The following CFAP300 variants were observed in gnomAD, a reference collection of about 807,000 sequenced individuals.
The protein encoded by CFAP300 is cilia and flagella associated protein 300, also known as cilia- and flagella-associated protein 300.
Under a neutral mutation model 33.0 loss-of-function variants are expected in CFAP300, and 32 were observed. The observed-to-expected ratio is 0.97, with a 90% CI of 0.73 to 1.30. The LOEUF (loss-of-function observed/expected upper bound fraction) is 1.30, where lower values mean the gene tolerates loss of function less well. Among genes scored for constraint, CFAP300 ranks in the 50% most tolerant of loss-of-function variants. The probability of loss-of-function intolerance (pLI) is 0.00; values close to 1 mark genes in which losing one functional copy is unlikely to be tolerated. For synonymous variants in CFAP300, 102 were observed against 106.8 expected (o/e 0.95, Z 0.28); for missense variants, 356 against 318.1 (o/e 1.12, Z -0.90).
At chr11:102,066,412 T>C (rs1239038956) in intron 3 of CFAP300, 73 bp from the exon 4 acceptor site, 1 of 1,069,890 alleles carries the variant, frequency 9.3e-7, no homozygotes, top group African/African-American at 1.6e-5. Flanking sequence ...TGCATAGCGA[T>C]TTATTTTGGA....
At chr11:102,075,135 A>G (rs1027343342) in intron 4 of CFAP300, among the ~76,000 whole-genome samples, 7 of 152,220 alleles carry the variant, frequency 4.6e-5, no homozygotes, top group Non-Finnish European at 8.8e-5. Flanking sequence ...TAGGTAGGAT[A>G]TAAACAATCC....
rs114056403 is a variant in CFAP300, at chr11:102,080,345, A to G, written c.609-870A>G. On this transcript the variant is annotated intron_variant, in intron 5 of 6. Coordinates refer to ENST00000434758, the MANE Select transcript of CFAP300 (RefSeq NM_032930.3). ...TGAAAGAAAACTACTGAAAAAAATTATTTTTAATATGATATAACTTAGCAA... is the reference window on the plus strand; with the variant it reads ...TGAAAGAAAACTACTGAAAAAAATTGTTTTTAATATGATATAACTTAGCAA... Among the ~76,000 whole-genome samples, 1,386 of 152,240 alleles carry G rather than the reference A, an allele frequency of 9.1e-3. 22 individuals carry two copies. Among genetic ancestry groups the G allele is most frequent in the African/African-American group, 0.032 (1,312 of 41,536 alleles).
chr11:102,079,486 G>A (rs73593085), intron 5 of CFAP300, among the ~76,000 whole-genome samples: 6,279 of 152,206 alleles, frequency 0.041, 309 homozygotes, highest in African/African-American at 0.098. Context: ...GAAATATCTA[G>A]TAGAGATGAA....
At chr11:102,075,748 A>G in intron 4 of CFAP300, 125 bp from the exon 5 acceptor site, 2 of 660,108 alleles carry the variant, frequency 3.0e-6, no homozygotes, top group South Asian at 4.6e-5. Context: ...TACTCTCTTC[A>G]GTTGACTCAA....
chr11:102,082,328 G>A (rs111814780), intron 6 of CFAP300, among the ~76,000 whole-genome samples: 1,708 of 151,702 alleles, frequency 0.011, 42 homozygotes, highest in African/African-American at 0.04. Context: ...GTGAGCTGTG[G>A]TGGTACCAAT....
chr11:102,074,036 C>T (rs181708315), intron 4 of CFAP300, among the ~76,000 whole-genome samples: 7 of 152,256 alleles, frequency 4.6e-5, no homozygotes, highest in African/African-American at 1.2e-4. Flanking sequence ...CAGTGTACTG[C>T]GTCACTCATT....
intron 5 of CFAP300, among the ~76,000 whole-genome samples, chr11:102,078,077 G>A (rs1037475576): frequency 1.3e-5 from 2 of 151,892 alleles, no homozygotes. Context: ...ATTTTTTGTA[G>A]AGACAGGGTT....
chr11:102,076,552 T>C (rs1942397772), intron 5 of CFAP300, among the ~76,000 whole-genome samples: 2 of 152,252 alleles, frequency 1.3e-5, no homozygotes, highest in Admixed American at 6.5e-5. Flanking sequence ...CAAATGAGAA[T>C]TAAAACCTTA....
At chr11:102,072,860 A>T (rs1029306011) in intron 4 of CFAP300, among the ~76,000 whole-genome samples, 1 of 152,118 alleles carries the variant, frequency 6.6e-6, no homozygotes, top group African/African-American at 2.4e-5. Context: ...TTCTGGGTGT[A>T]TGCAGTAGTG....
intron 5 of CFAP300, among the ~76,000 whole-genome samples, chr11:102,078,924 G>A (rs933850843): frequency 5.3e-5 from 8 of 152,192 alleles, no homozygotes; most frequent in Middle Eastern, 3.4e-3. Context: ...TGGCCAGGCT[G>A]GTCTAGAACT....
chr11:102,080,147 A>G (rs1010174627), intron 5 of CFAP300, among the ~76,000 whole-genome samples: 2 of 152,112 alleles, frequency 1.3e-5, no homozygotes, highest in African/African-American at 4.8e-5. Flanking sequence ...AAAGTTAAAA[A>G]TTGTGTAAAA....
chr11:102,051,758 G>A (rs7934806), intron 2 of CFAP300, among the ~76,000 whole-genome samples: 63 of 151,506 alleles, frequency 4.2e-4, no homozygotes, highest in African/African-American at 1.5e-3. Context: ...TATGTTGCCC[G>A]GGCTGGTCTC....
intron 4 of CFAP300, among the ~76,000 whole-genome samples, chr11:102,073,989 C>A (rs1474866827): frequency 6.6e-6 from 1 of 152,088 alleles, no homozygotes; most frequent in Non-Finnish European, 1.5e-5. Context: ...CTGGGGAACA[C>A]ATACTTTGTC....
At chr11:102,068,781 C>T (rs1275363003) in intron 4 of CFAP300, among the ~76,000 whole-genome samples, 6 of 152,236 alleles carry the variant, frequency 3.9e-5, no homozygotes, top group East Asian at 1.9e-4. Context: ...AGCAAGATTT[C>T]GTCTCAAAAG....
At chr11:102,070,777 G>A (rs1343345955) in intron 4 of CFAP300, among the ~76,000 whole-genome samples, 2 of 151,746 alleles carry the variant, frequency 1.3e-5, no homozygotes, top group Admixed American at 6.6e-5. Flanking sequence ...AGTTTAAATT[G>A]TTCTTCTGAA....
At chr11:102,074,878 G>T (rs2135045681) in intron 4 of CFAP300, among the ~76,000 whole-genome samples, 1 of 151,978 alleles carries the variant, frequency 6.6e-6, no homozygotes, top group East Asian at 2.0e-4. Context: ...TATTTTGGGG[G>T]GTGGTTTTAG....
chr11:102,073,509 C>G (rs1434148533), intron 4 of CFAP300, among the ~76,000 whole-genome samples: 1 of 152,136 alleles, frequency 6.6e-6, no homozygotes, highest in East Asian at 1.9e-4. Context: ...TACATTCAGG[C>G]GGATCCTCTT....
At chr11:102,074,762 C>T (rs1239662581) in intron 4 of CFAP300, among the ~76,000 whole-genome samples, 1 of 150,196 alleles carries the variant, frequency 6.7e-6, no homozygotes, top group African/African-American at 2.5e-5. Flanking sequence ...TGCAGTGGTG[C>T]AGTCACAGTT....
chr11:102,076,146 A>G (rs556290819), intron 5 of CFAP300, 101 bp downstream of exon 5: 2 of 1,317,888 alleles, frequency 1.5e-6, no homozygotes, highest in African/African-American at 3.0e-5. Flanking sequence ...GGTTATATTA[A>G]CAACCAAAGC....
Sources: allele counts gnomAD v4.1 joint callset (sites outside exome capture counted in the v4.1 genomes callset), GRCh38; gene constraint gnomAD v4.1.1; transcripts MANE v1.5; gene names NCBI Gene and HGNC (gene_info 2026-07-23, HGNC 2026-07-21).